The following SESTD1 variants were observed in gnomAD, a reference collection of about 807,000 sequenced individuals.
SESTD1 encodes SEC14 and spectrin domain containing 1.
SESTD1 carries 43 observed loss-of-function variants against 101.7 expected under a neutral mutation model. The ratio of observed to expected loss-of-function variants is 0.42; its 90% CI spans 0.33 to 0.55. The LOEUF is 0.55. SESTD1 is among the 20% of genes least tolerant of loss of function. The pLI is 0.07. For missense variants in SESTD1, 647 were observed against 815.1 expected (o/e 0.79, Z 2.51); for synonymous variants, 283 against 286.8 (o/e 0.99, Z 0.13).
At chr2:179,221,490 G>C (rs7601965) in intron 1 of SESTD1, among the ~76,000 whole-genome samples, 1,732 of 152,074 alleles carry the variant, frequency 0.011, 27 homozygotes, top group African/African-American at 0.037. Flanking sequence ...GTGCATGCCT[G>C]TAACCCCAGC....
At chr2:179,245,269 C>T (rs1369056618) in intron 1 of SESTD1, among the ~76,000 whole-genome samples, 1 of 152,096 alleles carries the variant, frequency 6.6e-6, no homozygotes, top group East Asian at 1.9e-4. Context: ...GTAATCCCAG[C>T]ACTTTAGGAG....
chr2:179,124,797 T>C (rs2044832833), intron 10 of SESTD1, among the ~76,000 whole-genome samples: 1 of 152,174 alleles, frequency 6.6e-6, no homozygotes, highest in East Asian at 1.9e-4. Context: ...CAGTCACCCC[T>C]GCAGCCTTCT....
At chr2:179,110,388 A>G (rs555210391) in intron 17 of SESTD1, among the ~76,000 whole-genome samples, 1 of 152,164 alleles carries the variant, frequency 6.6e-6, no homozygotes, top group African/African-American at 2.4e-5. Context: ...GGCTGGGGAC[A>G]CCACTTGTCT....
At chr2:179,118,108 C>T (rs561053777) in intron 13 of SESTD1, among the ~76,000 whole-genome samples, 1 of 152,104 alleles carries the variant, frequency 6.6e-6, no homozygotes, top group Non-Finnish European at 1.5e-5. Flanking sequence ...GTAGCTAAGA[C>T]TACAGGTGTG....
chr2:179,184,034 A>G (rs1026450254), intron 2 of SESTD1, among the ~76,000 whole-genome samples: 1 of 152,172 alleles, frequency 6.6e-6, no homozygotes, highest in Non-Finnish European at 1.5e-5. Context: ...ATAAGACAAT[A>G]AAGATAAAAC....
chr2:179,197,770 G>A (rs1411174091), intron 1 of SESTD1, among the ~76,000 whole-genome samples: 1 of 151,988 alleles, frequency 6.6e-6, no homozygotes, highest in Non-Finnish European at 1.5e-5. Context: ...GAGAGATTTT[G>A]TCACCACCAG....
chr2:179,247,467 C>G (rs1266064011), intron 1 of SESTD1, among the ~76,000 whole-genome samples: 1 of 152,144 alleles, frequency 6.6e-6, no homozygotes, highest in Non-Finnish European at 1.5e-5. Context: ...CTCTGTCACC[C>G]AGGCAGGAAT....
At chr2:179,260,306 A>C (rs1359455123) in intron 1 of SESTD1, among the ~76,000 whole-genome samples, 1 of 152,218 alleles carries the variant, frequency 6.6e-6, no homozygotes, top group Non-Finnish European at 1.5e-5. Context: ...GCTTGAGCTC[A>C]GGAGTTTGAG....
chr2:179,154,219 C>A (rs995436008), intron 5 of SESTD1, among the ~76,000 whole-genome samples: 9 of 147,720 alleles, frequency 6.1e-5, no homozygotes, highest in Non-Finnish European at 1.2e-4. Context: ...GGTCAGAGAA[C>A]CCCATGAAGA....
At chr2:179,144,473 C>A (rs972021968) in intron 8 of SESTD1, among the ~76,000 whole-genome samples, 1 of 152,040 alleles carries the variant, frequency 6.6e-6, no homozygotes, top group African/African-American at 2.4e-5. Flanking sequence ...TCAATTACAG[C>A]AAACTCATGT....
chr2:179,259,518 G>A (rs546299295), intron 1 of SESTD1, among the ~76,000 whole-genome samples: 2 of 152,040 alleles, frequency 1.3e-5, no homozygotes, highest in African/African-American at 2.4e-5. Context: ...GTGAGCCACC[G>A]CACCCAGCCT....
intron 10 of SESTD1, among the ~76,000 whole-genome samples, chr2:179,127,918 C>T (rs1018382506): frequency 1.3e-5 from 2 of 152,288 alleles, no homozygotes; most frequent in East Asian, 3.9e-4. Flanking sequence ...ATACCTTATT[C>T]ATAGTACTTA....
chr2:179,104,631 T>A lies in SESTD1; in HGVS notation c.*5268A>T, dbSNP rs1030739902. 14 of 152,112 alleles carry A rather than the reference T, an allele frequency of 9.2e-5. No individual in the cohort carries two copies. Among genetic ancestry groups the A allele is most frequent in the African/African-American group, 3.4e-4 (14 of 41,442 alleles). The allele number at this position is 152,112 out of a possible 1,614,324, so 9.4% of individuals were successfully genotyped here. The stretch of plus-strand genomic sequence containing the variant: ...TCCTGGAGATTCACTGGGAACTGGC[T>A]GGAGTTCAATAGCCCTTTTGTCAGA... On this transcript the variant is annotated 3_prime_UTR_variant, in exon 18 of 18. Coordinates refer to ENST00000428443, the MANE Select transcript of SESTD1 (RefSeq NM_178123.5).
At chr2:179,176,422 T>C in intron 4 of SESTD1, 26 bp downstream of exon 4, 1 of 1,566,028 alleles carries the variant, frequency 6.4e-7, no homozygotes. Flanking sequence ...TAAAAACCAT[T>C]TCCTGATAGA....
intron 1 of SESTD1, among the ~76,000 whole-genome samples, chr2:179,216,170 T>C (rs189027129): frequency 7.4e-6 from 1 of 134,746 alleles, no homozygotes; most frequent in Admixed American, 7.2e-5. Flanking sequence ...TAAAGGGTAT[T>C]CAACTAGGAA....
chr2:179,183,307 T>C (rs1370368719), intron 2 of SESTD1, 119 bp from the exon 3 acceptor site: 11 of 558,552 alleles, frequency 2.0e-5, no homozygotes, highest in Non-Finnish European at 2.8e-5. Context: ...ATTTGGAAAA[T>C]ATCTAATGGC....
intron 1 of SESTD1, among the ~76,000 whole-genome samples, chr2:179,262,502 A>G (rs2047497314): frequency 6.6e-6 from 1 of 152,078 alleles, no homozygotes; most frequent in Non-Finnish European, 1.5e-5. Context: ...TAAATATTCT[A>G]CTTTCCTCAA....
chr2:179,123,489 A>G (rs1000125204), intron 12 of SESTD1, among the ~76,000 whole-genome samples: 4 of 152,200 alleles, frequency 2.6e-5, no homozygotes, highest in African/African-American at 9.6e-5. Context: ...TAAACAGGCA[A>G]GGGTAAAGGC....
At chr2:179,135,976 T>A (rs1251332940) in intron 9 of SESTD1, among the ~76,000 whole-genome samples, 2 of 152,224 alleles carry the variant, frequency 1.3e-5, no homozygotes, top group Admixed American at 1.3e-4. Flanking sequence ...CTCTTTTGTA[T>A]GAGTTATCTT....
Sources: allele counts gnomAD v4.1 joint callset (sites outside exome capture counted in the v4.1 genomes callset), GRCh38; gene constraint gnomAD v4.1.1; transcripts MANE v1.5; gene names NCBI Gene and HGNC (gene_info 2026-07-23, HGNC 2026-07-21).